Variants in CNGA1 observed in about 807,000 individuals in gnomAD.
CNGA1 encodes cyclic nucleotide gated channel subunit alpha 1.
Under a neutral mutation model 69.7 loss-of-function variants are expected in CNGA1, and 53 were observed. That is an observed-to-expected ratio of 0.76 (90% CI 0.61 to 0.96). The LOEUF (loss-of-function observed/expected upper bound fraction) is 0.96, where lower values mean the gene tolerates loss of function less well. Among genes scored for constraint, CNGA1 ranks in the 40% least tolerant of loss-of-function variants. CNGA1 has a pLI of 0.00. For synonymous variants in CNGA1, 249 were observed against 283.5 expected (o/e 0.88, Z 1.22); for missense variants, 739 against 811.2 (o/e 0.91, Z 1.08).
intron 3 of CNGA1, among the ~76,000 whole-genome samples, chr4:47,962,759 C>G (rs1319003850): frequency 6.6e-6 from 1 of 151,994 alleles, no homozygotes; most frequent in Admixed American, 6.6e-5. Context: ...ATGAGAAATC[C>G]AAAACATATT....
intron 1 of CNGA1, among the ~76,000 whole-genome samples, chr4:48,012,558 C>CTTTTTTTTT (rs528643370): frequency 1.2e-4 from 8 of 64,994 alleles, no homozygotes; most frequent in African/African-American, 4.6e-4. Flanking sequence ...ACCACACCAT[C>CTTTTTTTTT]TTTTTTTTTT....
chr4:47,985,439 G>A lies in CNGA1; in HGVS notation c.-122-3939C>T, dbSNP rs190406970. 1.7e-3 allele frequency among the ~76,000 whole-genome samples: 263 copies of A among 152,172 alleles called. 2 individuals carry two copies. Among genetic ancestry groups the A allele is most frequent in the Non-Finnish European group, 3.2e-3 (215 of 68,004 alleles). On this transcript the variant is annotated intron_variant, in intron 2 of 10. Coordinates refer to ENST00000514170, the MANE Select transcript of CNGA1 (RefSeq NM_001379270.1). ...ATCAAAATGACAAGATCCAGAATTC[G>A]CTCCCATAGGTAGCCATGAATGTTT...
At chr4:47,952,473 C>T in intron 4 of CNGA1, 110 bp downstream of exon 4, 1 of 1,078,648 alleles carries the variant, frequency 9.3e-7, no homozygotes. Flanking sequence ...TTGCTAAATA[C>T]ATTACAAAGT....
intron 3 of CNGA1, among the ~76,000 whole-genome samples, chr4:47,967,137 T>C (rs1740765922): frequency 6.6e-6 from 1 of 151,966 alleles, no homozygotes; most frequent in Non-Finnish European, 1.5e-5. Context: ...GCCCTGTGTC[T>C]ACTAAAAATA....
chr4:48,015,856 C>T (rs1715354313), intron 1 of CNGA1, among the ~76,000 whole-genome samples: 1 of 152,178 alleles, frequency 6.6e-6, no homozygotes, highest in Non-Finnish European at 1.5e-5. Flanking sequence ...CCTCAACCTC[C>T]CAAAGTGCTG....
intron 4 of CNGA1, 33 bp from the exon 5 acceptor site, chr4:47,951,502 T>C (rs769339541): frequency 1.4e-6 from 2 of 1,392,408 alleles, no homozygotes; most frequent in South Asian, 2.3e-5. Flanking sequence ...GAGAGAAGAG[T>C]TAATGTTTTC....
intron 3 of CNGA1, among the ~76,000 whole-genome samples, chr4:47,966,039 CT>C (rs1391886023): frequency 6.6e-6 from 1 of 152,168 alleles, no homozygotes; most frequent in Non-Finnish European, 1.5e-5. Context: ...CAAGATTCAG[CT>C]CTCATATTTA....
Position 47,937,893 on chromosome 4 carries a change from A to C in CNGA1, c.653-64T>G, listed in dbSNP as rs1352294556. 2.7e-5 allele frequency: 34 copies of C among 1,238,858 alleles called. 1 individual carries two copies. The South Asian group carries it at 4.1e-4, about 15-fold the overall frequency. 76.7% of individuals were successfully genotyped at this position (1,238,858 alleles called of 1,614,324 possible). ...TTTATGTCATTGTGAATTTTTGTGA[A>C]TAACTGTCAATTAACTTTGTTGAGG... On this transcript the variant is annotated intron_variant, in intron 10 of 10. Coordinates refer to ENST00000514170, the MANE Select transcript of CNGA1 (RefSeq NM_001379270.1).
intron 10 of CNGA1, 74 bp from the exon 11 acceptor site, chr4:47,937,903 A>G (rs913963015): frequency 1.7e-6 from 2 of 1,173,952 alleles, no homozygotes; most frequent in Non-Finnish European, 2.5e-6. Context: ...ATAACTGTCA[A>G]TTAACTTTGT....
chr4:47,980,636 G>T (rs1263654478), intron 3 of CNGA1, among the ~76,000 whole-genome samples: 1 of 151,462 alleles, frequency 6.6e-6, no homozygotes, highest in Non-Finnish European at 1.5e-5. Flanking sequence ...CACCACACCT[G>T]GGCTAATTTT....
intron 3 of CNGA1, among the ~76,000 whole-genome samples, chr4:47,980,816 T>C (rs1391618726): frequency 6.6e-6 from 1 of 151,764 alleles, no homozygotes; most frequent in African/African-American, 2.4e-5. Context: ...CTTATCACAG[T>C]TATTTAAAAG....
chr4:47,945,531 C>G (rs896743169), intron 6 of CNGA1, among the ~76,000 whole-genome samples: 3 of 152,126 alleles, frequency 2.0e-5, no homozygotes, highest in Non-Finnish European at 2.9e-5. Flanking sequence ...ATCGTGGCCC[C>G]CTGTTAAACT....
chr4:47,980,055 G>A (rs1194107263), intron 3 of CNGA1, among the ~76,000 whole-genome samples: 2 of 152,106 alleles, frequency 1.3e-5, no homozygotes, highest in Non-Finnish European at 2.9e-5. Context: ...GAGAAAAGAG[G>A]GCGTATTCTC....
chr4:47,987,055 A>G lies in CNGA1; in HGVS notation c.-122-5555T>C, dbSNP rs571771494. Among the ~76,000 whole-genome samples, 8 of 152,224 alleles carry G rather than the reference A, an allele frequency of 5.3e-5. No individual in the cohort carries two copies. The South Asian group carries it at 1.7e-3, about 32-fold the overall frequency. The stretch of plus-strand genomic sequence containing the variant: ...CAAAGCATGATTAGCTTGACCCTGT[A>G]TACCTATCACTGGATTTCTTTTCCG... On this transcript the variant is annotated intron_variant, in intron 2 of 10. Transcript: ENST00000514170.
intron 2 of CNGA1, among the ~76,000 whole-genome samples, chr4:48,000,684 T>TA (rs773972115): frequency 6.1e-5 from 9 of 146,548 alleles, no homozygotes; most frequent in South Asian, 2.2e-4. Context: ...AGTGATTTTT[T>TA]AAAAAAATTA....
chr4:48,001,760 T>C (rs922060591), intron 2 of CNGA1, among the ~76,000 whole-genome samples: 3 of 152,072 alleles, frequency 2.0e-5, no homozygotes, highest in Non-Finnish European at 2.9e-5. Flanking sequence ...ACTTGGAACA[T>C]CCACCAAGAC....
At chr4:47,950,686 T>C (rs2110156308) in intron 5 of CNGA1, among the ~76,000 whole-genome samples, 1 of 151,684 alleles carries the variant, frequency 6.6e-6, no homozygotes, top group Admixed American at 6.6e-5. Flanking sequence ...AAAGAAAGAG[T>C]AATTATGTAA....
intron 3 of CNGA1, among the ~76,000 whole-genome samples, chr4:47,952,962 G>C (rs1328387690): frequency 2.0e-5 from 3 of 152,252 alleles, no homozygotes; most frequent in Non-Finnish European, 2.9e-5. Context: ...TTGTGCAGCA[G>C]AACTCCCCTT....
chr4:47,947,753 A>G (rs188061794), intron 6 of CNGA1, among the ~76,000 whole-genome samples: 1 of 152,334 alleles, frequency 6.6e-6, no homozygotes, highest in East Asian at 1.9e-4. Flanking sequence ...GGCAGTCACA[A>G]ATGCCTTGAC....
Sources: allele counts gnomAD v4.1 joint callset (sites outside exome capture counted in the v4.1 genomes callset), GRCh38; gene constraint gnomAD v4.1.1; transcripts MANE v1.5; gene names NCBI Gene and HGNC (gene_info 2026-07-23, HGNC 2026-07-21).